Variants in IGF2BP3 observed in about 807,000 individuals in gnomAD.
IGF2BP3 encodes the protein insulin-like growth factor 2 mRNA-binding protein 3.
A neutral mutation model predicts 73.8 loss-of-function variants in IGF2BP3; 9 were observed. The ratio of observed to expected loss-of-function variants is 0.12; its 90% CI spans 0.07 to 0.21. The LOEUF (loss-of-function observed/expected upper bound fraction) is 0.21, where lower values mean the gene tolerates loss of function less well. Ranked by LOEUF, IGF2BP3 falls within the 10% of genes least tolerant of loss-of-function variation. The pLI is 1.00. For synonymous variants in IGF2BP3, 258 were observed against 256.7 expected (o/e 1.01, Z -0.05); for missense variants, 542 against 714.0 (o/e 0.76, Z 2.75).
At chr7:23,438,072 T>C (rs1375061745) in intron 2 of IGF2BP3, among the ~76,000 whole-genome samples, 1 of 152,222 alleles carries the variant, frequency 6.6e-6, no homozygotes, top group African/African-American at 2.4e-5. Context: ...AATAACAACA[T>C]GAATCCCAAT....
chr7:23,405,125 CA>C (rs1786786601), intron 3 of IGF2BP3: 1 of 152,116 alleles, frequency 6.6e-6, no homozygotes, highest in Admixed American at 6.5e-5. Context: ...AAGAAAAAAG[CA>C]AATCACTTAT....
At chr7:23,407,921 G>T (rs1458594738) in intron 3 of IGF2BP3, among the ~76,000 whole-genome samples, 1 of 123,822 alleles carries the variant, frequency 8.1e-6, no homozygotes, top group African/African-American at 3.1e-5. Context: ...TAGGAATGCA[G>T]GGTTGGTTCA....
At chr7:23,371,025 A>AT (rs1363681923) in intron 3 of IGF2BP3, among the ~76,000 whole-genome samples, 1 of 152,124 alleles carries the variant, frequency 6.6e-6, no homozygotes, top group Non-Finnish European at 1.5e-5. Context: ...GCAAACAGGT[A>AT]TTTGTCAGGA....
At chr7:23,376,795 A>G (rs1785737769) in intron 3 of IGF2BP3, among the ~76,000 whole-genome samples, 1 of 152,160 alleles carries the variant, frequency 6.6e-6, no homozygotes, top group South Asian at 2.1e-4. Context: ...TTGGCCCAGA[A>G]GGCGGAGGCT....
intron 3 of IGF2BP3, among the ~76,000 whole-genome samples, chr7:23,369,570 T>G (rs556338384): frequency 6.6e-6 from 1 of 152,254 alleles, no homozygotes; most frequent in East Asian, 1.9e-4. Context: ...TCAGTAACAG[T>G]ATCATTGAAA....
At chr7:23,351,023 C>G (rs1251724960) in intron 6 of IGF2BP3, among the ~76,000 whole-genome samples, 1 of 152,090 alleles carries the variant, frequency 6.6e-6, no homozygotes. Context: ...CTGGAAGCTG[C>G]CTTTCTGTCT....
In IGF2BP3 at chr7:23,395,579, T is replaced by C. The variant is rs553010661; in HGVS notation, c.285+23197A>G. 2.4e-4 allele frequency among the ~76,000 whole-genome samples: 37 copies of C among 151,034 alleles called. 2 individuals are homozygous for C. The South Asian group carries it at 7.8e-3, about 32-fold the overall frequency. ...GAATTTGAGACCAGCCTGGGCAATA[T>C]GGCGAGACCCCATCTCTACCCCCAC... On this transcript the variant is annotated intron_variant, in intron 3 of 14. Transcript: ENST00000258729.
intron 2 of IGF2BP3, 80 bp downstream of exon 2, chr7:23,468,402 G>T (rs1379030903): frequency 2.1e-6 from 3 of 1,427,924 alleles, no homozygotes; most frequent in Non-Finnish European, 3.0e-6. Flanking sequence ...AGCACCAGAG[G>T]ACAAGAAGTT....
intron 3 of IGF2BP3, among the ~76,000 whole-genome samples, chr7:23,373,531 AAAAGAAAAAC>A (rs1785622710): frequency 6.6e-6 from 1 of 152,232 alleles, no homozygotes. Flanking sequence ...GGGCATCATA[AAAAGAAAAAC>A]AAAGGAAAAT....
intron 3 of IGF2BP3, among the ~76,000 whole-genome samples, chr7:23,378,477 C>T (rs990971179): frequency 2.8e-5 from 4 of 141,884 alleles, no homozygotes; most frequent in African/African-American, 1.1e-4. Flanking sequence ...ACTGTAACCT[C>T]TGCCTCCCAG....
At position 23,311,218 on chromosome 7, in the gene IGF2BP3, A is replaced by G. The variant is rs1284930651; in HGVS notation, c.*1144T>C. On this transcript the variant is annotated 3_prime_UTR_variant, in exon 15 of 15. Transcript: ENST00000258729. ...AAATGTAGCCTTTTGTTGCGTTTAA[A>G]CACTGTCACACCATCTATGACTGTC... The G allele has an allele frequency of 6.6e-6, 1 of 152,360 alleles. No homozygotes were observed. The highest frequency in any genetic ancestry group is 1.9e-4 in the East Asian group (1 of 5,184). The allele number at this position is 152,360 out of a possible 1,614,324, so 9.4% of individuals were successfully genotyped here.
At chr7:23,425,532 T>C (rs1319196975) in intron 2 of IGF2BP3, among the ~76,000 whole-genome samples, 1 of 152,000 alleles carries the variant, frequency 6.6e-6, no homozygotes, top group Non-Finnish European at 1.5e-5. Context: ...AGGCATATGC[T>C]ACCATGCCCA....
intron 2 of IGF2BP3, among the ~76,000 whole-genome samples, chr7:23,461,374 CCT>C (rs1477124352): frequency 1.3e-5 from 2 of 152,158 alleles, no homozygotes; most frequent in African/African-American, 2.4e-5. Flanking sequence ...CCCATCTCCC[CCT>C]GAGCTCCAAA....
chr7:23,355,385 C>T (rs1445042478), intron 5 of IGF2BP3, among the ~76,000 whole-genome samples: 1 of 152,112 alleles, frequency 6.6e-6, no homozygotes, highest in East Asian at 1.9e-4. Flanking sequence ...CCACACCCAG[C>T]TAATTTTGTA....
At chr7:23,321,688 A>G (rs1387121174) in intron 10 of IGF2BP3, among the ~76,000 whole-genome samples, 1 of 152,218 alleles carries the variant, frequency 6.6e-6, no homozygotes, top group African/African-American at 2.4e-5. Context: ...ACAGCTTTGA[A>G]GAGAGCAGTG....
intron 2 of IGF2BP3, among the ~76,000 whole-genome samples, chr7:23,420,951 T>C (rs1317139787): frequency 1.3e-5 from 2 of 152,234 alleles, no homozygotes; most frequent in African/African-American, 4.8e-5. Context: ...CATGTGGTAA[T>C]AACTGTTAAA....
chr7:23,326,615 C>T (rs1229150921), intron 10 of IGF2BP3, among the ~76,000 whole-genome samples: 2 of 151,366 alleles, frequency 1.3e-5, no homozygotes, highest in African/African-American at 2.4e-5. Context: ...GACACATGCA[C>T]ACGTATGTTT....
At chr7:23,320,461 G>A (rs968566322) in intron 10 of IGF2BP3, among the ~76,000 whole-genome samples, 2 of 152,046 alleles carry the variant, frequency 1.3e-5, no homozygotes, top group African/African-American at 4.8e-5. Flanking sequence ...AATGCTACCA[G>A]TCAACTAACA....
At chr7:23,396,014 C>A (rs1786447597) in intron 3 of IGF2BP3, among the ~76,000 whole-genome samples, 1 of 150,352 alleles carries the variant, frequency 6.7e-6, no homozygotes, top group Non-Finnish European at 1.5e-5. Flanking sequence ...TCCCCCTACC[C>A]CACCCCTACA....
Sources: allele counts gnomAD v4.1 joint callset (sites outside exome capture counted in the v4.1 genomes callset), GRCh38; gene constraint gnomAD v4.1.1; transcripts MANE v1.5; gene names NCBI Gene and HGNC (gene_info 2026-07-23, HGNC 2026-07-21).